CD9: variants seen among roughly 807,000 people sequenced by gnomAD.
The protein encoded by CD9 is CD9 molecule.
CD9 carries 10 observed loss-of-function variants against 31.4 expected under a neutral mutation model. That is an observed-to-expected ratio of 0.32 (90% confidence interval 0.20 to 0.54). CD9 has a LOEUF of 0.54. Among genes scored for constraint, CD9 ranks in the 20% least tolerant of loss-of-function variants. The probability of loss-of-function intolerance (pLI) is 0.94; values close to 1 mark genes in which losing one functional copy is unlikely to be tolerated. For synonymous variants in CD9, 113 were observed against 114.1 expected (o/e 0.99, Z 0.06); for missense variants, 259 against 300.1 (o/e 0.86, Z 1.01).
intron 1 of CD9, among the ~76,000 whole-genome samples, chr12:6,201,801 G>A (rs1401850607): frequency 1.3e-5 from 2 of 152,226 alleles, no homozygotes; most frequent in African/African-American, 4.8e-5. Context: ...CACTTTGGGA[G>A]GCTGAGGCAG....
chr12:6,225,248 T>C, intron 1 of CD9, 178 bp from the exon 2 acceptor site: 1 of 582,900 alleles, frequency 1.7e-6, no homozygotes. Context: ...TGCTGGTATT[T>C]TTAGTACCTG....
At chr12:6,200,394 G>C (rs533854109), upstream of CD9, 1 of 744,718 alleles carries the variant, frequency 1.3e-6, no homozygotes, top group Non-Finnish European at 2.4e-6. Flanking sequence ...CCGGAGACCA[G>C]CCTACAGCCG....
intron 1 of CD9, among the ~76,000 whole-genome samples, chr12:6,201,341 G>A (rs749247343): frequency 2.0e-5 from 3 of 152,240 alleles, no homozygotes; most frequent in Non-Finnish European, 4.4e-5. Context: ...ATACCTATCT[G>A]CGCCTCTAGT....
At chr12:6,208,967 C>CT (rs1165759048) in intron 1 of CD9, among the ~76,000 whole-genome samples, 3 of 151,768 alleles carry the variant, frequency 2.0e-5, no homozygotes, top group Admixed American at 2.0e-4. Context: ...CTCATCATTG[C>CT]TTTTTTTGTT....
chr12:6,200,899 T>A, intron 1 of CD9: 1 of 243,248 alleles, frequency 4.1e-6, no homozygotes, highest in Non-Finnish European at 7.8e-6. Context: ...CCAGCTCAAG[T>A]CCCTCCGAGT....
At chr12:6,224,009 G>A (rs1198264277) in intron 1 of CD9, among the ~76,000 whole-genome samples, 1 of 152,282 alleles carries the variant, frequency 6.6e-6, no homozygotes, top group South Asian at 2.1e-4. Flanking sequence ...GGGGCATGTG[G>A]CGTCGTACAG....
chr12:6,228,200 C>T (rs1438056755), intron 2 of CD9, among the ~76,000 whole-genome samples: 5 of 152,294 alleles, frequency 3.3e-5, no homozygotes, highest in Admixed American at 2.0e-4. Flanking sequence ...CCTGCAGAAG[C>T]GCCGGCAAGG....
At chr12:6,220,756 A>G (rs941439699) in intron 1 of CD9, among the ~76,000 whole-genome samples, 5 of 152,194 alleles carry the variant, frequency 3.3e-5, no homozygotes, top group Non-Finnish European at 5.9e-5. Flanking sequence ...AGATCTACAG[A>G]AAAGTTGCAG....
In CD9 at chr12:6,237,982, TTA is replaced by T. The variant is rs1387149179; in HGVS notation, c.*156_*157del. On this transcript the variant is annotated 3_prime_UTR_variant, in exon 8 of 8. Transcript: ENST00000009180. ...TTGCTAGATAAAAGCTGAAGTTACTTTATGTTTGTCTTTTAATGCTTCATTCA... is the reference window on the plus strand; with the variant it reads ...TTGCTAGATAAAAGCTGAAGTTACTTTGTTTGTCTTTTAATGCTTCATTCA... The T allele has an allele frequency of 7.0e-6, 4 of 567,406 alleles. No individual in the cohort carries two copies. Among genetic ancestry groups the T allele is most frequent in the Non-Finnish European group, 9.5e-6 (3 of 314,564 alleles). The allele number at this position is 567,406 out of a possible 1,614,324, so 35.1% of individuals were successfully genotyped here.
At chr12:6,225,936 T>C (rs1274738867) in intron 2 of CD9, among the ~76,000 whole-genome samples, 2 of 152,198 alleles carry the variant, frequency 1.3e-5, no homozygotes, top group Non-Finnish European at 2.9e-5. Flanking sequence ...GAAGAAGATA[T>C]AGACAGCTTT....
intron 3 of CD9, 125 bp from the exon 4 acceptor site, chr12:6,233,287 T>G (rs906304989): frequency 1.4e-6 from 1 of 725,260 alleles, no homozygotes; most frequent in Non-Finnish European, 2.5e-6. Flanking sequence ...TGCTAGGCTA[T>G]TCATTTGTGT....
intron 1 of CD9, among the ~76,000 whole-genome samples, chr12:6,220,523 GA>G (rs1353950877): frequency 6.6e-6 from 1 of 151,636 alleles, no homozygotes; most frequent in East Asian, 1.9e-4. Flanking sequence ...CGAGGTTGAA[GA>G]AAAAAAGGGT....
chr12:6,209,429 G>A (rs987119081), intron 1 of CD9, among the ~76,000 whole-genome samples: 10 of 152,134 alleles, frequency 6.6e-5, no homozygotes, highest in South Asian at 4.2e-4. Flanking sequence ...CAGCGGCCCC[G>A]TTCCTAGAGA....
chr12:6,235,448 C>G (rs761171856), intron 5 of CD9, 28 bp from the exon 6 acceptor site: 2 of 1,613,508 alleles, frequency 1.2e-6, no homozygotes, highest in African/African-American at 1.3e-5. Flanking sequence ...TTGTTTCTCT[C>G]ATCCCCATCC....
intron 1 of CD9, among the ~76,000 whole-genome samples, chr12:6,213,514 T>A (rs1227262802): frequency 6.6e-6 from 1 of 152,210 alleles, no homozygotes; most frequent in African/African-American, 2.4e-5. Flanking sequence ...TAATTTACAA[T>A]GGAAATTGAA....
intron 2 of CD9, among the ~76,000 whole-genome samples, chr12:6,226,958 C>A (rs891251714): frequency 1.3e-5 from 2 of 152,136 alleles, no homozygotes; most frequent in African/African-American, 4.8e-5. Context: ...GCAGGTCTGC[C>A]GGCAGGAGCA....
chr12:6,222,109 C>T (rs1168535049), intron 1 of CD9, among the ~76,000 whole-genome samples: 1 of 152,236 alleles, frequency 6.6e-6, no homozygotes, highest in African/African-American at 2.4e-5. Flanking sequence ...ATAGCGCTGC[C>T]TGACAACCAT....
chr12:6,213,688 ACG>A (rs1390123181), intron 1 of CD9, among the ~76,000 whole-genome samples: 1 of 152,208 alleles, frequency 6.6e-6, no homozygotes, highest in Non-Finnish European at 1.5e-5. Flanking sequence ...ATGCAGAGCC[ACG>A]GTCACCATTG....
chr12:6,200,668 C>A, intron 1 of CD9, 103 bp downstream of exon 1: 1 of 738,902 alleles, frequency 1.4e-6, no homozygotes, highest in Non-Finnish European at 2.3e-6. Context: ...ACTGCCCGCA[C>A]CGGGCAGGCA....
Sources: gnomAD v4.1 joint callset for allele counts (sites outside exome capture counted in the v4.1 genomes callset) on GRCh38, gnomAD v4.1.1 for gene constraint, MANE v1.5 for transcripts, NCBI Gene and HGNC (gene_info 2026-07-23, HGNC 2026-07-21) for gene names.